GRK1: variants seen among roughly 807,000 people sequenced by gnomAD.
GRK1 encodes rhodopsin kinase GRK1.
A neutral mutation model predicts 41.7 loss-of-function variants in GRK1; 28 were observed. The ratio of observed to expected loss-of-function variants is 0.67; its 90% CI spans 0.50 to 0.92. The LOEUF (loss-of-function observed/expected upper bound fraction) is 0.92, where lower values mean the gene tolerates loss of function less well. Among genes scored for constraint, GRK1 ranks in the 40% least tolerant of loss-of-function variants. GRK1 has a pLI of 0.00. For synonymous variants in GRK1, 327 were observed against 286.7 expected, an observed-to-expected ratio of 1.14 and a Z score of -1.42; for missense variants, 703 against 671.2, an observed-to-expected ratio of 1.05 and a Z score of -0.52.
intron 3 of GRK1, among the ~76,000 whole-genome samples, chr13:113,672,247 A>G (rs950985206): frequency 6.9e-6 from 1 of 144,784 alleles, no homozygotes; most frequent in Non-Finnish European, 1.5e-5. Flanking sequence ...ATGTGTGTGC[A>G]GTGTGTGGTG....
At chr13:113,669,575 G>A (rs1394225821) in intron 1 of GRK1, 112 bp from the exon 2 acceptor site, 14 of 1,315,376 alleles carry the variant, frequency 1.1e-5, no homozygotes, top group Middle Eastern at 1.9e-4. Flanking sequence ...GCATGTTTGC[G>A]ACTGCTCCGT....
intron 4 of GRK1, among the ~76,000 whole-genome samples, chr13:113,727,020 T>C (rs1347216642): frequency 6.6e-6 from 1 of 152,246 alleles, no homozygotes. Context: ...CTGCGGCCTC[T>C]CTGCCTGGTC....
the GRK1 span, chr13:113,649,668 G>T: frequency 2.9e-6 from 3 of 1,025,486 alleles, no homozygotes; most frequent in Non-Finnish European, 4.0e-6. This position sits in a 1 kb window ranked among gnomAD's most constrained non-coding sequence, Gnocchi z 4.7. Flanking sequence ...GGCCCTGACC[G>T]AGTGCATGCC....
In GRK1 at chr13:113,735,603, T is replaced by C. The variant is rs2049998438; in HGVS notation, c.*240T>C. Reference sequence around the variant, plus strand: ...TGCATATTTCACGTCTTTTGCTCCATCTCACTGAGAAGACATAAGATGCTC... The same window carrying C: ...TGCATATTTCACGTCTTTTGCTCCACCTCACTGAGAAGACATAAGATGCTC... On this transcript the variant is annotated 3_prime_UTR_variant, in exon 7 of 7. Transcript: ENST00000335678. 1 of 443,986 alleles carries C rather than the reference T, an allele frequency of 2.3e-6. No homozygotes were observed. The highest frequency in any genetic ancestry group is 4.0e-6 in the Non-Finnish European group (1 of 252,854). The allele number at this position is 443,986 out of a possible 1,614,324, so 27.5% of individuals were successfully genotyped here.
At position 113,671,679 on chromosome 13, in the gene GRK1, A is replaced by C. The variant is rs1594572884; in HGVS notation, c.985+23A>C. 1 of 731,774 alleles carries C rather than the reference A, an allele frequency of 1.4e-6. No homozygotes were observed. The highest frequency in any genetic ancestry group is 2.6e-5 in the East Asian group (1 of 39,136). The allele number at this position is 731,774 out of a possible 1,614,324, so 45.3% of individuals were successfully genotyped here. A position where few individuals can be genotyped will look rare whatever the true frequency, so the allele number is the denominator to read the frequency against. On this transcript the variant is annotated intron_variant, in intron 3 of 6. Transcript: ENST00000335678. The surrounding 1 kb of genome is among the most constrained non-coding windows in gnomAD (Gnocchi z 4.1). ...ACGGTAGGAGGTGCCCTCGGCTGGG[A>C]GGGATGAGGGCTACGAGGAGGGCGG...
chr13:113,733,945 C>CATACGTGTGTAT (rs2049976929), intron 6 of GRK1, among the ~76,000 whole-genome samples: 1 of 80,322 alleles, frequency 1.2e-5, no homozygotes, highest in Admixed American at 1.3e-4. Flanking sequence ...TACGTGTGTG[C>CATACGTGTGTAT]GTGTGTGTGC....
At position 113,731,224 on chromosome 13, in the gene GRK1, A is replaced by G. The variant is rs867428602; in HGVS notation, c.1075A>G (p.Met359Val). 5.9e-6 allele frequency: 9 copies of G among 1,536,872 alleles called. No homozygotes were observed. The highest frequency in any genetic ancestry group is 3.3e-4 in the Middle Eastern group (2 of 5,982). The change falls in exon 5 of 7, where the codon ATG (methionine) becomes GTG (valine). Residue 359 changes from methionine (M) to valine (V), a missense_variant. Transcript: ENST00000335678. The surrounding 1 kb of genome is among the most constrained non-coding windows in gnomAD (Gnocchi z 5.6). ...TKGYAGTPGF[M>V]APELLQGEEY... ...GCAATGTCCCTTGCTGGCAGGTTTC[A>G]TGGCCCCCGAGCTCCTGCAGGGCGA...
intron 2 of GRK1, 150 bp downstream of exon 2, chr13:113,669,964 C>A: frequency 3.1e-6 from 3 of 958,136 alleles, no homozygotes; most frequent in Non-Finnish European, 4.5e-6. Context: ...CCCCTTCTCG[C>A]TGTTGGTTCC....
Position 113,669,590 on chromosome 13 carries a change from G to A in GRK1, c.700-97G>A, listed in dbSNP as rs527978960. ...GCATGTTTGCGACTGCTCCGTGGCTGTGTGCAGTGGGCGTGGCCGGGTGCA... is the reference window on the plus strand; with the variant it reads ...GCATGTTTGCGACTGCTCCGTGGCTATGTGCAGTGGGCGTGGCCGGGTGCA... On this transcript the variant is annotated intron_variant, in intron 1 of 6. Coordinates refer to ENST00000335678, the MANE Select transcript of GRK1 (RefSeq NM_002929.3). 3 of 1,458,050 alleles carry A rather than the reference G, an allele frequency of 2.1e-6. No individual in the cohort carries two copies. The East Asian group carries it at 6.9e-5, about 33-fold the overall frequency. 90.3% of individuals were successfully genotyped at this position (1,458,050 alleles called of 1,614,324 possible). A position where few individuals can be genotyped will look rare whatever the true frequency, so the allele number is the denominator to read the frequency against.
At chr13:113,729,937 C>G (rs570664968) in intron 4 of GRK1, among the ~76,000 whole-genome samples, 1 of 150,042 alleles carries the variant, frequency 6.7e-6, no homozygotes, top group African/African-American at 2.5e-5. Flanking sequence ...CATCCCAAGA[C>G]AGTCCCCGCG....
At chr13:113,665,717 T>C (rs976981573), upstream of GRK1, among the ~76,000 whole-genome samples, 3 of 147,322 alleles carry the variant, frequency 2.0e-5, no homozygotes, top group East Asian at 2.1e-4. Flanking sequence ...CCCAGGCATA[T>C]CCCAGGTGTG....
chr13:113,649,906 T>G, the GRK1 span, among the ~76,000 whole-genome samples: 1 of 152,208 alleles, frequency 6.6e-6, no homozygotes, highest in African/African-American at 2.4e-5. This position sits in a 1 kb window ranked among gnomAD's most constrained non-coding sequence, Gnocchi z 4.7. Context: ...CTCATGCCTG[T>G]AATCCTAGCA....
rs140320436 is a variant in GRK1, at chr13:113,723,662, A to T, written c.1069+505A>T. Among the ~76,000 whole-genome samples, 1,071 of 152,220 alleles carry T rather than the reference A, an allele frequency of 7.0e-3. 17 individuals carry two copies. Among genetic ancestry groups the T allele is most frequent in the African/African-American group, 0.025 (1,024 of 41,524 alleles). ...GCTCACTGAGAGGACTTTGAATACAATGGGAGGCAGGTTTGCCATAAGCAG... is the reference window on the plus strand; with the variant it reads ...GCTCACTGAGAGGACTTTGAATACATTGGGAGGCAGGTTTGCCATAAGCAG... On this transcript the variant is annotated intron_variant, in intron 4 of 6. Transcript: ENST00000335678.
In GRK1 at chr13:113,671,999, C is replaced by G. The variant is rs1038964364; in HGVS notation, c.985+343C>G. Among the ~76,000 whole-genome samples the G allele has an allele frequency of 6.6e-6, 1 of 151,558 alleles. No individual in the cohort carries two copies. The highest frequency in any genetic ancestry group is 6.6e-5 in the Admixed American group (1 of 15,232). On this transcript the variant is annotated intron_variant, in intron 3 of 6. Transcript: ENST00000335678. This position sits in a 1 kb window ranked among gnomAD's most constrained non-coding sequence, Gnocchi z 4.1. The stretch of plus-strand genomic sequence containing the variant: ...CGGCAGGTCAGGCAAGTGCGAGACA[C>G]GTGCCAGGGCCCTGAGAGAGTGCGT...
At chr13:113,650,724 C>T in the GRK1 span, among the ~76,000 whole-genome samples, 2 of 152,186 alleles carry the variant, frequency 1.3e-5, no homozygotes, top group African/African-American at 4.8e-5. The surrounding 1 kb of genome is among the most constrained non-coding windows in gnomAD (Gnocchi z 5.0). Flanking sequence ...CCAGTGACCC[C>T]TCCGTGTGCC....
At chr13:113,650,437 T>C in the GRK1 span, 6 of 1,614,070 alleles carry the variant, frequency 3.7e-6, no homozygotes, top group Non-Finnish European at 5.1e-6. This position sits in a 1 kb window ranked among gnomAD's most constrained non-coding sequence, Gnocchi z 5.0. Flanking sequence ...AGGGAAGTAG[T>C]GCAGACTGAA....
upstream of GRK1, among the ~76,000 whole-genome samples, chr13:113,665,326 CCCCAGGTGTGT>C (rs1292444902): frequency 6.6e-6 from 1 of 152,086 alleles, no homozygotes; most frequent in African/African-American, 2.4e-5. Context: ...GTGTGACCAT[CCCCAGGTGTGT>C]CCCAGGTGTG....
the GRK1 span, chr13:113,654,750 C>T: frequency 2.5e-6 from 4 of 1,569,268 alleles, no homozygotes; most frequent in South Asian, 2.4e-5. Context: ...CGGGCGTCTC[C>T]AGAGCCGAGG....
Position 113,667,438 on chromosome 13 carries a change from G to T in GRK1, c.52G>T (p.Ala18Ser). The change falls in exon 1 of 7, where the codon GCC becomes TCC. Residue 18 changes from alanine (A) to serine (S), a missense_variant. Physicochemically the swap from Ala to Ser is moderately conservative, Grantham distance 99 (BLOSUM62 1). Coordinates refer to ENST00000335678, the MANE Select transcript of GRK1 (RefSeq NM_002929.3). This position sits in a 1 kb window ranked among gnomAD's most constrained non-coding sequence, Gnocchi z 7.5. ...GGTGGCCAACTCTGCCTTCATCGCC[G>T]CCCGAGGCAGCTTTGACGGCAGCAG... ...TVVANSAFIAARGSFDGSSSQ... is the reference protein window; with the variant it reads ...TVVANSAFIASRGSFDGSSSQ... The T allele has an allele frequency of 6.2e-7, 1 of 1,605,000 alleles. No homozygotes were observed. Among genetic ancestry groups the T allele is most frequent in the Non-Finnish European group, 8.5e-7 (1 of 1,174,716 alleles).
Sources: allele counts gnomAD v4.1 joint callset (sites outside exome capture counted in the v4.1 genomes callset), GRCh38; gene constraint gnomAD v4.1.1; non-coding constraint Gnocchi (gnomAD v3.1); transcripts MANE v1.5; gene names NCBI Gene and HGNC (gene_info 2026-07-23, HGNC 2026-07-21).